The following GPR149 variants were observed in gnomAD, a reference collection of about 807,000 sequenced individuals.
GPR149 encodes G protein-coupled receptor 149.
Under a neutral mutation model 50.2 loss-of-function variants are expected in GPR149, and 50 were observed. That is an observed-to-expected ratio of 1.00 (90% confidence interval 0.79 to 1.26). The LOEUF (loss-of-function observed/expected upper bound fraction) is 1.26. Ranked by LOEUF, GPR149 falls within the 50% of genes most tolerant of loss-of-function variation. The pLI is 0.00. For synonymous variants in GPR149, 405 were observed against 358.2 expected, an observed-to-expected ratio of 1.13 and a Z score of -1.48; for missense variants, 983 against 895.4, an observed-to-expected ratio of 1.10 and a Z score of -1.25.
At chr3:154,387,737 A>G (rs1321147383) in intron 3 of GPR149, among the ~76,000 whole-genome samples, 1 of 152,192 alleles carries the variant, frequency 6.6e-6, no homozygotes, top group Admixed American at 6.5e-5. Flanking sequence ...CTTATTAGAG[A>G]GTACATTATT....
chr3:154,360,093 C>T lies in GPR149; in HGVS notation c.1624-21822G>A, dbSNP rs76686700. On this transcript the variant is annotated intron_variant, in intron 3 of 3. Coordinates refer to ENST00000389740, the MANE Select transcript of GPR149 (RefSeq NM_001038705.3). ...TGTAAGCAGTTGCCCAGAAAGAAGACGATTTGAAAAAATCTGAGAATTCTG... is the reference window on the plus strand; with the variant it reads ...TGTAAGCAGTTGCCCAGAAAGAAGATGATTTGAAAAAATCTGAGAATTCTG... Among the ~76,000 whole-genome samples, 12 of 152,100 alleles carry T rather than the reference C, an allele frequency of 7.9e-5. No homozygotes were observed. The East Asian group carries it at 1.7e-3, about 22-fold the overall frequency.
Position 154,346,138 on chromosome 3 carries a change from C to T in GPR149, c.1624-7867G>A, listed in dbSNP as rs182473827. 5.9e-5 allele frequency among the ~76,000 whole-genome samples: 9 copies of T among 152,114 alleles called. No homozygotes were observed. In the East Asian group the frequency reaches 1.2e-3, roughly 20 times the overall value. On this transcript the variant is annotated intron_variant, in intron 3 of 3. Coordinates refer to ENST00000389740, the MANE Select transcript of GPR149 (RefSeq NM_001038705.3). ...TCCCAATTAAACTCATATAGATGAT[C>T]GTTAGGTAATTTAGGTGACTTTAGG...
At chr3:154,420,860 G>C (rs1018860463) in intron 3 of GPR149, among the ~76,000 whole-genome samples, 179 bp downstream of exon 3, 1 of 151,778 alleles carries the variant, frequency 6.6e-6, no homozygotes. Flanking sequence ...CTGATTAAAA[G>C]AATTAAAAAG....
intron 3 of GPR149, among the ~76,000 whole-genome samples, chr3:154,396,440 T>C (rs956044649): frequency 6.6e-6 from 1 of 152,180 alleles, no homozygotes; most frequent in Non-Finnish European, 1.5e-5. Flanking sequence ...TGTAGTTAGA[T>C]GACTTCGTTA....
At chr3:154,365,495 G>T (rs563551293) in intron 3 of GPR149, among the ~76,000 whole-genome samples, 1 of 152,070 alleles carries the variant, frequency 6.6e-6, no homozygotes, top group Admixed American at 6.6e-5. Context: ...CCATACTTTT[G>T]TTCTTTATAT....
chr3:154,385,771 G>A (rs1278502426), intron 3 of GPR149, among the ~76,000 whole-genome samples: 2 of 150,702 alleles, frequency 1.3e-5, no homozygotes, highest in Non-Finnish European at 3.0e-5. Flanking sequence ...GCGCCATCTT[G>A]GCTCATTGCA....
At chr3:154,352,502 T>C in intron 3 of GPR149, 3 of 774,414 alleles carry the variant, frequency 3.9e-6, no homozygotes, top group South Asian at 2.7e-5. Context: ...TCTGAGACGC[T>C]GTATTACTAC....
chr3:154,338,337 C>A, intron 3 of GPR149, 66 bp from the exon 4 acceptor site: 2 of 1,231,868 alleles, frequency 1.6e-6, no homozygotes, highest in South Asian at 3.4e-5. Context: ...TTTAGAAATT[C>A]ATTTTGTTCA....
intron 3 of GPR149, among the ~76,000 whole-genome samples, chr3:154,417,791 T>A (rs535290711): frequency 2.0e-5 from 3 of 152,222 alleles, no homozygotes; most frequent in African/African-American, 7.2e-5. Context: ...TTCACTTCCA[T>A]GTAATATTTG....
intron 3 of GPR149, among the ~76,000 whole-genome samples, chr3:154,345,402 C>T (rs1244902553): frequency 6.6e-6 from 1 of 152,142 alleles, no homozygotes; most frequent in African/African-American, 2.4e-5. Context: ...AAGAATGATA[C>T]ATTCAGAGAG....
intron 3 of GPR149, among the ~76,000 whole-genome samples, chr3:154,388,237 A>C (rs1477589795): frequency 1.3e-5 from 2 of 152,068 alleles, no homozygotes; most frequent in East Asian, 3.9e-4. Flanking sequence ...TTTTTCATCT[A>C]TAAATTAGTT....
At chr3:154,348,655 G>A (rs1713990632) in intron 3 of GPR149, among the ~76,000 whole-genome samples, 1 of 152,138 alleles carries the variant, frequency 6.6e-6, no homozygotes, top group South Asian at 2.1e-4. Context: ...TACAAATACT[G>A]TTGGAGACTT....
In GPR149 at chr3:154,421,325, C is replaced by T. The variant is rs761233578; in HGVS notation, c.1337G>A (p.Arg446His). 8 of 1,613,242 alleles carry T rather than the reference C, an allele frequency of 5.0e-6. No individual in the cohort carries two copies. Among genetic ancestry groups the T allele is most frequent in the Middle Eastern group, 1.7e-4 (1 of 6,058 alleles). ...TACTTTTATAGCATTGAAGATGTTA[C>T]GGTTGTCTCTCTGAGGGTCTTTTGT... The part of the protein sequence containing the change: ...ETTKDPQRDN[R>H]NIFNAIKVEI... The change falls in exon 3 of 4, where the codon CGT (arginine) becomes CAT (histidine). Residue 446 changes from arginine to histidine, a missense_variant. Physicochemically the swap from Arg to His is conservative, Grantham distance 29. Transcript: ENST00000389740.
At chr3:154,387,422 A>G (rs779731455) in intron 3 of GPR149, among the ~76,000 whole-genome samples, 9 of 152,190 alleles carry the variant, frequency 5.9e-5, no homozygotes, top group Non-Finnish European at 1.2e-4. Flanking sequence ...CTTGGGCTCA[A>G]TGAATGTTTG....
chr3:154,399,398 A>C (rs1270894367), intron 3 of GPR149, among the ~76,000 whole-genome samples: 1 of 152,230 alleles, frequency 6.6e-6, no homozygotes, highest in Non-Finnish European at 1.5e-5. Context: ...ATTATAAATT[A>C]ATATTTTTCA....
At chr3:154,427,771 T>C in intron 1 of GPR149, 63 bp from the exon 2 acceptor site, 1 of 1,442,724 alleles carries the variant, frequency 6.9e-7, no homozygotes, top group Non-Finnish European at 9.4e-7. Flanking sequence ...TCAAGCCTTT[T>C]CTCCACGCAC....
At position 154,337,491 on chromosome 3, in the gene GPR149, A is replaced by G. The variant is rs1224254243; in HGVS notation, c.*208T>C. 6.6e-6 allele frequency among the ~76,000 whole-genome samples: 1 copy of G among 152,222 alleles called. No individual in the cohort carries two copies. Among genetic ancestry groups the G allele is most frequent in the Non-Finnish European group, 1.5e-5 (1 of 68,036 alleles). ...GTCAGATAAGAAGTAAAATCTTTTCATTACCACAGTGTGTGATCTTTAGGT... is the reference window on the plus strand; with the variant it reads ...GTCAGATAAGAAGTAAAATCTTTTCGTTACCACAGTGTGTGATCTTTAGGT... On this transcript the variant is annotated 3_prime_UTR_variant, in exon 4 of 4. Coordinates refer to ENST00000389740, the MANE Select transcript of GPR149 (RefSeq NM_001038705.3).
intron 3 of GPR149, among the ~76,000 whole-genome samples, chr3:154,345,713 G>T (rs1016767104): frequency 2.0e-5 from 3 of 152,028 alleles, no homozygotes; most frequent in Admixed American, 6.6e-5. Context: ...GTGAATCCAG[G>T]GTGAAATTAT....
intron 3 of GPR149, among the ~76,000 whole-genome samples, chr3:154,347,868 T>C (rs1193629339): frequency 6.6e-6 from 1 of 152,128 alleles, no homozygotes; most frequent in East Asian, 1.9e-4. Context: ...CTTCAGTAGG[T>C]AGCAAAAATG....
Sources: allele counts gnomAD v4.1 joint callset (sites outside exome capture counted in the v4.1 genomes callset), GRCh38; gene constraint gnomAD v4.1.1; transcripts MANE v1.5; gene names NCBI Gene and HGNC (gene_info 2026-07-23, HGNC 2026-07-21).